ERBB4: variants seen among roughly 807,000 people sequenced by gnomAD.
The protein encoded by ERBB4 is receptor tyrosine-protein kinase erbB-4.
In ERBB4, 42 loss-of-function variants were observed where a neutral mutation model predicts 158.0. That is an observed-to-expected ratio of 0.27 (90% confidence interval 0.21 to 0.34). The LOEUF is 0.34. Ranked by LOEUF, ERBB4 falls within the 10% of genes least tolerant of loss-of-function variation. ERBB4 has a pLI of 1.00. For missense variants in ERBB4, 1,333 were observed against 1,624.1 expected, an observed-to-expected ratio of 0.82 and a Z score of 3.08; for synonymous variants, 583 against 558.7, an observed-to-expected ratio of 1.04 and a Z score of -0.61.
intron 1 of ERBB4, among the ~76,000 whole-genome samples, chr2:212,129,733 A>G (rs1022888496): frequency 6.6e-6 from 1 of 151,902 alleles, no homozygotes; most frequent in African/African-American, 2.4e-5. Flanking sequence ...ATATTTTTTG[A>G]CAAAAAAAGA....
chr2:212,425,579 G>A (rs2091896075), intron 1 of ERBB4, among the ~76,000 whole-genome samples: 1 of 151,444 alleles, frequency 6.6e-6, no homozygotes, highest in Admixed American at 6.6e-5. Context: ...TTGCAATTTG[G>A]TCATATTGGT....
intron 2 of ERBB4, among the ~76,000 whole-genome samples, chr2:212,065,778 G>A (rs533468812): frequency 2.6e-5 from 4 of 152,104 alleles, no homozygotes; most frequent in African/African-American, 4.8e-5. Context: ...GTCAGGGAAC[G>A]GAGTACAGTC....
chr2:212,253,167 T>A (rs2084604172), intron 1 of ERBB4, among the ~76,000 whole-genome samples: 1 of 152,162 alleles, frequency 6.6e-6, no homozygotes, highest in Non-Finnish European at 1.5e-5. Flanking sequence ...TACCACATAA[T>A]CTGTAATCGT....
intron 3 of ERBB4, among the ~76,000 whole-genome samples, chr2:211,878,783 G>A (rs1373595976): frequency 3.3e-5 from 5 of 149,736 alleles, no homozygotes; most frequent in Non-Finnish European, 7.4e-5. Context: ...TCAGCCTCCC[G>A]AGTAGCTGGC....
chr2:212,302,740 G>A (rs560530488), intron 1 of ERBB4, among the ~76,000 whole-genome samples: 1 of 151,602 alleles, frequency 6.6e-6, no homozygotes, highest in South Asian at 2.1e-4. Flanking sequence ...TTTTAGATTT[G>A]CCTAAGTAAT....
Position 211,513,364 on chromosome 2 carries a change from AAAAAAAAAAAAAC to A in ERBB4, c.2487+48526_2487+48538del, listed in dbSNP as rs1319000096. Reference sequence around the variant, plus strand: ...CAGAGCGAGACTCCGTCTCAAAAAAAAAAAAAAAAAAACAAAAAAAAAACACTGATCCTAGAAG... The same window carrying A: ...CAGAGCGAGACTCCGTCTCAAAAAAAAAAAAAAAAACACTGATCCTAGAAG... On this transcript the variant is annotated intron_variant, in intron 20 of 27. Transcript: ENST00000342788. Among the ~76,000 whole-genome samples, 11 of 136,218 alleles carry A rather than the reference AAAAAAAAAAAAAC, an allele frequency of 8.1e-5. 1 individual carries two copies. The highest frequency in any genetic ancestry group is 4.3e-4 in the South Asian group (2 of 4,612). 89.4% of individuals were successfully genotyped at this position (136,218 alleles called of 152,430 possible).
At chr2:211,474,593 A>T (rs2064910203) in intron 20 of ERBB4, among the ~76,000 whole-genome samples, 1 of 152,084 alleles carries the variant, frequency 6.6e-6, no homozygotes. Flanking sequence ...AGGAACTCAA[A>T]ATCTTTTAAC....
chr2:211,851,413 T>C (rs1239741078), intron 3 of ERBB4, among the ~76,000 whole-genome samples: 1 of 151,924 alleles, frequency 6.6e-6, no homozygotes, highest in African/African-American at 2.4e-5. Flanking sequence ...AAAATATAAC[T>C]AGGTCAAAAT....
At chr2:212,327,403 T>C (rs1183979361) in intron 1 of ERBB4, among the ~76,000 whole-genome samples, 1 of 151,896 alleles carries the variant, frequency 6.6e-6, no homozygotes, top group East Asian at 1.9e-4. Flanking sequence ...AGGCCTGTTC[T>C]CACAAATAAT....
chr2:211,839,223 G>C (rs988491368), intron 3 of ERBB4, among the ~76,000 whole-genome samples: 34 of 149,758 alleles, frequency 2.3e-4, no homozygotes, highest in Admixed American at 2.2e-3. Context: ...GAGAGAGAAA[G>C]AGAGAAAGAA....
At chr2:211,445,000 A>T (rs1485576073) in intron 20 of ERBB4, among the ~76,000 whole-genome samples, 1 of 152,162 alleles carries the variant, frequency 6.6e-6, no homozygotes, top group South Asian at 2.1e-4. Context: ...TAGACATAAT[A>T]AAAAGCACGT....
At chr2:211,997,697 C>T (rs1373552323) in intron 2 of ERBB4, among the ~76,000 whole-genome samples, 2 of 151,898 alleles carry the variant, frequency 1.3e-5, no homozygotes, top group Non-Finnish European at 2.9e-5. Context: ...CCCCTCTGTC[C>T]TTTACTGAAG....
intron 1 of ERBB4, among the ~76,000 whole-genome samples, chr2:212,469,412 T>C (rs1438014178): frequency 2.0e-5 from 3 of 152,278 alleles, no homozygotes; most frequent in East Asian, 1.9e-4. Flanking sequence ...CTACACTAAC[T>C]GTAAACTTCC....
chr2:211,772,900 T>C (rs866615684), intron 4 of ERBB4, among the ~76,000 whole-genome samples: 609 of 51,080 alleles, frequency 0.012, 38 homozygotes, highest in African/African-American at 0.041. Context: ...CACACACACA[T>C]ATATATATAC....
chr2:211,627,309 T>C (rs1266851424), intron 17 of ERBB4, among the ~76,000 whole-genome samples: 4 of 152,252 alleles, frequency 2.6e-5, no homozygotes, highest in African/African-American at 4.8e-5. Context: ...CAAACTTTCA[T>C]TCACATGTGC....
At chr2:211,829,310 T>C (rs2077170321) in intron 3 of ERBB4, among the ~76,000 whole-genome samples, 1 of 152,152 alleles carries the variant, frequency 6.6e-6, no homozygotes, top group African/African-American at 2.4e-5. Flanking sequence ...TGTTTTAAAC[T>C]TTAGTAAATA....
intron 2 of ERBB4, among the ~76,000 whole-genome samples, chr2:211,981,912 T>A (rs2081809608): frequency 6.6e-6 from 1 of 152,198 alleles, no homozygotes; most frequent in African/African-American, 2.4e-5. Flanking sequence ...AGCTCTTTTA[T>A]CTGCTCAGTG....
chr2:211,988,526 G>A (rs1378662624), intron 2 of ERBB4, among the ~76,000 whole-genome samples: 1 of 151,990 alleles, frequency 6.6e-6, no homozygotes, highest in Non-Finnish European at 1.5e-5. Context: ...CCAAATATTA[G>A]AGGCTAGATA....
At chr2:212,374,216 T>C (rs997601319) in intron 1 of ERBB4, among the ~76,000 whole-genome samples, 26 of 150,998 alleles carry the variant, frequency 1.7e-4, no homozygotes, top group African/African-American at 6.1e-4. Flanking sequence ...ATTTTTAAAA[T>C]ACCAATAATA....
Sources: gnomAD v4.1 joint callset for allele counts (sites outside exome capture counted in the v4.1 genomes callset) on GRCh38, gnomAD v4.1.1 for gene constraint, MANE v1.5 for transcripts, NCBI Gene and HGNC (gene_info 2026-07-23, HGNC 2026-07-21) for gene names.